BMERB1: variants seen among roughly 807,000 people sequenced by gnomAD.
BMERB1 encodes the protein bMERB domain containing 1.
Under a neutral mutation model 23.6 loss-of-function variants are expected in BMERB1, and 12 were observed. The observed-to-expected ratio is 0.51, with a 90% CI of 0.33 to 0.82. The LOEUF (loss-of-function observed/expected upper bound fraction) is 0.82, where lower values mean the gene tolerates loss of function less well. Ranked by LOEUF, BMERB1 falls within the 40% of genes least tolerant of loss-of-function variation. The pLI is 0.03. For synonymous variants in BMERB1, 122 were observed against 96.6 expected, an observed-to-expected ratio of 1.26 and a Z score of -1.54; for missense variants, 247 against 255.4, an observed-to-expected ratio of 0.97 and a Z score of 0.22.
At chr16:15,444,984 C>T (rs1305945178) in intron 1 of BMERB1, among the ~76,000 whole-genome samples, 1 of 152,162 alleles carries the variant, frequency 6.6e-6, no homozygotes, top group Non-Finnish European at 1.5e-5. Context: ...CAAGCCTCAA[C>T]CTCCTGCCTA....
chr16:15,465,410 TGG>T, intron 1 of BMERB1, among the ~76,000 whole-genome samples: 2 of 150,544 alleles, frequency 1.3e-5, no homozygotes, highest in African/African-American at 2.4e-5. Context: ...TGGAGTGCAG[TGG>T]TATGATCTCG....
intron 1 of BMERB1, among the ~76,000 whole-genome samples, chr16:15,491,469 C>T (rs1296105642): frequency 2.0e-5 from 3 of 152,146 alleles, no homozygotes; most frequent in Admixed American, 1.3e-4. Context: ...CCTGCCACCA[C>T]GCCCAGCCTG....
chr16:15,570,980 A>C (rs1171789104), intron 3 of BMERB1, among the ~76,000 whole-genome samples: 1 of 152,090 alleles, frequency 6.6e-6, no homozygotes, highest in African/African-American at 2.4e-5. Flanking sequence ...TTTCATCGCC[A>C]TCTTGGCTTT....
intron 1 of BMERB1, among the ~76,000 whole-genome samples, chr16:15,460,752 T>A (rs1450648317): frequency 6.6e-6 from 1 of 152,100 alleles, no homozygotes; most frequent in African/African-American, 2.4e-5. Flanking sequence ...CTGCCTCCCC[T>A]CAAGGAATTT....
chr16:15,496,014 A>C (rs1442186394), intron 1 of BMERB1, among the ~76,000 whole-genome samples: 1 of 146,992 alleles, frequency 6.8e-6, no homozygotes, highest in African/African-American at 2.7e-5. Flanking sequence ...TGGTGGTGAT[A>C]GTGGTGATGG....
At chr16:15,551,675 C>G (rs763722169) in intron 2 of BMERB1, among the ~76,000 whole-genome samples, 1 of 147,686 alleles carries the variant, frequency 6.8e-6, no homozygotes, top group Non-Finnish European at 1.5e-5. Context: ...TGTTCTGACA[C>G]TGCTGTAAAG....
intron 1 of BMERB1, among the ~76,000 whole-genome samples, chr16:15,472,749 T>C (rs746014378): frequency 2.6e-5 from 4 of 152,176 alleles, no homozygotes; most frequent in Non-Finnish European, 5.9e-5. Context: ...CAATTATTAA[T>C]GTGTTAGGAT....
At chr16:15,581,128 G>T (rs2031003612) in intron 3 of BMERB1, 89 bp from the exon 4 acceptor site, 7 of 888,888 alleles carry the variant, frequency 7.9e-6, no homozygotes, top group Admixed American at 2.4e-5. Flanking sequence ...TGTTGACCAG[G>T]CTGGTCTGAA....
chr16:15,472,156 G>A (rs2051234152), intron 1 of BMERB1, among the ~76,000 whole-genome samples: 1 of 152,098 alleles, frequency 6.6e-6, no homozygotes, highest in Non-Finnish European at 1.5e-5. Flanking sequence ...AATTTGTTGG[G>A]GATTGTTTTT....
intron 1 of BMERB1, among the ~76,000 whole-genome samples, chr16:15,448,591 C>G (rs1345055918): frequency 3.3e-5 from 5 of 152,108 alleles, no homozygotes; most frequent in Admixed American, 3.3e-4. Context: ...TTCAGGGGTT[C>G]AAGACCAGCC....
intron 2 of BMERB1, among the ~76,000 whole-genome samples, chr16:15,524,832 G>A (rs2051891112): frequency 6.6e-6 from 1 of 152,142 alleles, no homozygotes; most frequent in Non-Finnish European, 1.5e-5. Flanking sequence ...GCTACGAGTT[G>A]CCTTTCATGG....
At chr16:15,557,766 G>T (rs1176234386) in intron 2 of BMERB1, among the ~76,000 whole-genome samples, 1 of 152,196 alleles carries the variant, frequency 6.6e-6, no homozygotes, top group Non-Finnish European at 1.5e-5. Flanking sequence ...TTTACTTGAG[G>T]CTGGACACAG....
chr16:15,468,631 T>C lies in BMERB1; in HGVS notation c.106+33872T>C, dbSNP rs375933866. 9.2e-5 allele frequency among the ~76,000 whole-genome samples: 14 copies of C among 152,214 alleles called. No individual in the cohort carries two copies. In the East Asian group the frequency reaches 9.6e-4, roughly 10 times the overall value. On this transcript the variant is annotated intron_variant, in intron 1 of 5. Transcript: ENST00000300006. ...TTCAGATGGTTGGGGGGCCTTAGAA[T>C]TTTGTTTTTGGTTTATACTCTTCAC...
chr16:15,554,412 AT>A (rs1328082756), intron 2 of BMERB1, among the ~76,000 whole-genome samples: 1 of 152,238 alleles, frequency 6.6e-6, no homozygotes, highest in Non-Finnish European at 1.5e-5. Context: ...CACCAATCAT[AT>A]GAAAGCATTC....
chr16:15,501,724 C>T (rs1168268293), intron 1 of BMERB1, among the ~76,000 whole-genome samples: 4 of 152,044 alleles, frequency 2.6e-5, no homozygotes, highest in Non-Finnish European at 2.9e-5. Context: ...TCCACCGCCT[C>T]GGACTCCCAA....
intron 5 of BMERB1, among the ~76,000 whole-genome samples, chr16:15,586,484 G>A (rs550321266): frequency 2.0e-5 from 3 of 152,308 alleles, no homozygotes; most frequent in African/African-American, 7.2e-5. Flanking sequence ...CTGAAAGTTA[G>A]GGTTGGAAGC....
intron 1 of BMERB1, chr16:15,447,785 A>G (rs897278349): frequency 1.8e-5 from 8 of 447,140 alleles, no homozygotes; most frequent in African/African-American, 1.6e-4. Context: ...GTTGTGAGAT[A>G]AAAAGGATGG....
intron 1 of BMERB1, among the ~76,000 whole-genome samples, chr16:15,481,886 G>A (rs982429823): frequency 4.6e-5 from 7 of 151,286 alleles, no homozygotes; most frequent in African/African-American, 1.5e-4. Flanking sequence ...CACCATGCCC[G>A]GCAAATTTTT....
chr16:15,539,639 C>T (rs965719452), intron 2 of BMERB1, among the ~76,000 whole-genome samples: 1 of 151,892 alleles, frequency 6.6e-6, no homozygotes, highest in Non-Finnish European at 1.5e-5. Flanking sequence ...GTCAAGAGAT[C>T]AAGACCAGCC....
Sources: gnomAD v4.1 joint callset for allele counts (sites outside exome capture counted in the v4.1 genomes callset) on GRCh38, gnomAD v4.1.1 for gene constraint, MANE v1.5 for transcripts, NCBI Gene and HGNC (gene_info 2026-07-23, HGNC 2026-07-21) for gene names.